Variants in ZNF532 observed in about 807,000 individuals in gnomAD.
ZNF532 encodes zinc finger protein 532.
ZNF532 carries 22 observed loss-of-function variants against 89.3 expected under a neutral mutation model. That is an observed-to-expected ratio of 0.25 (90% CI 0.18 to 0.35). The LOEUF is 0.35. ZNF532 is among the 10% of genes least tolerant of loss of function. The probability of loss-of-function intolerance (pLI) is 1.00; values close to 1 mark genes in which losing one functional copy is unlikely to be tolerated. For synonymous variants in ZNF532, 606 were observed against 649.6 expected, an observed-to-expected ratio of 0.93 and a Z score of 1.02; for missense variants, 1,132 against 1,643.4, an observed-to-expected ratio of 0.69 and a Z score of 5.38.
intron 7 of ZNF532, among the ~76,000 whole-genome samples, chr18:58,966,984 C>T (rs1339339287): frequency 6.6e-6 from 1 of 152,106 alleles, no homozygotes; most frequent in African/African-American, 2.4e-5. Context: ...TTTCTCATGA[C>T]ACTGCATGAG....
intron 2 of ZNF532, among the ~76,000 whole-genome samples, chr18:58,904,102 G>A (rs189074412): frequency 3.4e-4 from 52 of 152,258 alleles, no homozygotes; most frequent in African/African-American, 1.2e-3. Context: ...TGTAATCACG[G>A]CACTTTGGGA....
At position 58,918,792 on chromosome 18, in the gene ZNF532, C is replaced by T. The variant is rs1457979875; in HGVS notation, c.505C>T (p.Pro169Ser). The T allele has an allele frequency of 5.0e-6, 8 of 1,614,124 alleles. No homozygotes were observed. Among genetic ancestry groups the T allele is most frequent in the Non-Finnish European group, 5.9e-6 (7 of 1,180,038 alleles). ...FRSNVLTGSAPQQDYDKLKAL... is the reference protein window; with the variant it reads ...FRSNVLTGSASQQDYDKLKAL... ...GTCGAATGTGTTGACGGGGTCGGCT[C>T]CCCAGCAGGACTACGATAAGCTGAA... Residue 169 changes from proline to serine, a missense_variant, in exon 3 of 10, where the codon CCC becomes TCC. Around this residue, in one of 9 missense-constraint regions of ZNF532, gnomAD observed 302 missense variants for 319.8 expected, o/e 0.94. Transcript: ENST00000591808.
chr18:58,940,168 C>CTT (rs2062860913), intron 5 of ZNF532: 1 of 152,234 alleles, frequency 6.6e-6, no homozygotes, highest in South Asian at 2.1e-4. Context: ...GCTAGGATTA[C>CTT]AGGCGTGAGC....
rs1273802716 is a variant in ZNF532, at chr18:58,953,631, C to T, written c.2982C>T (p.Thr994=). Reference sequence around the variant, plus strand: ...CAGCAAATCAGAACAAAGAGGACACCAAATCCATGAATGGGAAAGAGAAAT... The same window carrying T: ...CAGCAAATCAGAACAAAGAGGACACTAAATCCATGAATGGGAAAGAGAAAT... ...QNSANQNKED[T]KSMNGKEKLE... is the part of the protein sequence containing the mutation. The change falls in exon 7 of 10, where the codon ACC becomes ACT. Residue 994 remains threonine, a synonymous_variant. Transcript: ENST00000591808. 1 of 1,613,860 alleles carries T rather than the reference C, an allele frequency of 6.2e-7. No individual in the cohort carries two copies. The highest frequency in any genetic ancestry group is 1.1e-5 in the South Asian group (1 of 91,074).
chr18:58,972,549 C>G (rs1603333100), intron 7 of ZNF532, among the ~76,000 whole-genome samples: 1 of 152,112 alleles, frequency 6.6e-6, no homozygotes. Flanking sequence ...CAGGAATTCC[C>G]TCAATATCTG....
chr18:58,880,684 G>A (rs1468071882), intron 2 of ZNF532, among the ~76,000 whole-genome samples: 2 of 151,718 alleles, frequency 1.3e-5, no homozygotes, highest in East Asian at 3.9e-4. Context: ...ATGACTGGTG[G>A]AATTGTTCAA....
At chr18:58,888,835 T>TAC in intron 2 of ZNF532, among the ~76,000 whole-genome samples, 1 of 57,700 alleles carries the variant, frequency 1.7e-5, no homozygotes, top group South Asian at 5.0e-4. Context: ...AAATTATATA[T>TAC]ATAATTTATA....
chr18:58,963,609 G>A (rs1353200673), intron 7 of ZNF532, among the ~76,000 whole-genome samples: 3 of 65,114 alleles, frequency 4.6e-5, no homozygotes, highest in Non-Finnish European at 8.2e-5. Flanking sequence ...AAAAATGTGT[G>A]TGTGTGTGTG....
intron 5 of ZNF532, among the ~76,000 whole-genome samples, chr18:58,943,095 C>G (rs1286335346): frequency 6.6e-6 from 1 of 151,598 alleles, no homozygotes; most frequent in Non-Finnish European, 1.5e-5. Flanking sequence ...TAAAAGGAAA[C>G]TCTGAGTACC....
At chr18:58,973,399 G>T (rs1288468523) in intron 7 of ZNF532, among the ~76,000 whole-genome samples, 2 of 152,208 alleles carry the variant, frequency 1.3e-5, no homozygotes, top group Non-Finnish European at 2.9e-5. Context: ...ACTGTGCCTG[G>T]CCAGAAAGAT....
At chr18:58,891,064 G>A (rs749202190) in intron 2 of ZNF532, among the ~76,000 whole-genome samples, 31 of 152,190 alleles carry the variant, frequency 2.0e-4, no homozygotes, top group South Asian at 6.2e-4. Flanking sequence ...GACTACACAC[G>A]TGCGCCACCA....
At chr18:58,887,961 T>C (rs1298363709) in intron 2 of ZNF532, among the ~76,000 whole-genome samples, 1 of 152,220 alleles carries the variant, frequency 6.6e-6, no homozygotes, top group Admixed American at 6.5e-5. Context: ...CCAAACATCT[T>C]TTTATTAGAT....
At position 58,920,477 on chromosome 18, in the gene ZNF532, T is replaced by C. The variant is rs1377838302; in HGVS notation, c.2190T>C (p.Ala730=). ...GCATAACTGGGACAGTCATATCGGCTCCTTCAAGCACTCCCATCACCCCAG... is the reference window on the plus strand; with the variant it reads ...GCATAACTGGGACAGTCATATCGGCCCCTTCAAGCACTCCCATCACCCCAG... ...QSGITGTVIS[A]PSSTPITPAM... is the part of the protein sequence containing the mutation. Residue 730 remains alanine, a synonymous_variant, in exon 3 of 10, where the codon GCT becomes GCC. Transcript: ENST00000591808. 8.1e-6 allele frequency: 13 copies of C among 1,613,766 alleles called. No homozygotes were observed. The highest frequency in any genetic ancestry group is 2.7e-5 in the African/African-American group (2 of 74,880).
chr18:58,971,391 T>C (rs1363106047), intron 7 of ZNF532, among the ~76,000 whole-genome samples: 1 of 152,274 alleles, frequency 6.6e-6, no homozygotes, highest in East Asian at 1.9e-4. Flanking sequence ...TTCTATTGAA[T>C]GTGAAACAGT....
intron 2 of ZNF532, among the ~76,000 whole-genome samples, chr18:58,903,892 A>G (rs151096822): frequency 0.017 from 2,637 of 152,350 alleles, 34 homozygotes; most frequent in Non-Finnish European, 0.027. Context: ...ACCGTGGACA[A>G]TGTGTGCATT....
intron 2 of ZNF532, among the ~76,000 whole-genome samples, chr18:58,900,919 C>T (rs2059559856): frequency 6.6e-6 from 1 of 152,110 alleles, no homozygotes; most frequent in Non-Finnish European, 1.5e-5. Flanking sequence ...CTTCCTGTCT[C>T]TATTTGCCTA....
intron 7 of ZNF532, among the ~76,000 whole-genome samples, chr18:58,969,916 G>A (rs998825412): frequency 1.8e-5 from 2 of 112,802 alleles, no homozygotes; most frequent in Non-Finnish European, 3.3e-5. Context: ...ATGGAGTCTC[G>A]TTTTGTCGCC....
At chr18:58,972,277 C>T (rs2066546221) in intron 7 of ZNF532, among the ~76,000 whole-genome samples, 1 of 152,090 alleles carries the variant, frequency 6.6e-6, no homozygotes, top group Non-Finnish European at 1.5e-5. Context: ...AGTTTGAAAG[C>T]CAATATGTAT....
chr18:58,950,602 T>C (rs568858868), intron 6 of ZNF532, among the ~76,000 whole-genome samples: 1 of 152,306 alleles, frequency 6.6e-6, no homozygotes, highest in African/African-American at 2.4e-5. Context: ...CACATACATA[T>C]TCACTTAAAG....
Sources: gnomAD v4.1 joint callset for allele counts (sites outside exome capture counted in the v4.1 genomes callset) on GRCh38, gnomAD v4.1.1 for gene constraint, gnomAD v4.1.1 regional missense constraint, MANE v1.5 for transcripts, NCBI Gene and HGNC (gene_info 2026-07-23, HGNC 2026-07-21) for gene names.